DNAH10: variants seen among roughly 807,000 people sequenced by gnomAD.
The protein encoded by DNAH10 is dynein axonemal heavy chain 10, also known as axonemal beta dynein heavy chain 10.
In DNAH10, 348 loss-of-function variants were observed where a neutral mutation model predicts 506.6. That is an observed-to-expected ratio of 0.69 (90% CI 0.63 to 0.75). The LOEUF (loss-of-function observed/expected upper bound fraction) is 0.75. Among genes scored for constraint, DNAH10 ranks in the 30% least tolerant of loss-of-function variants. The probability of loss-of-function intolerance (pLI) is 0.00; values close to 1 mark genes in which losing one functional copy is unlikely to be tolerated. For synonymous variants in DNAH10, 2,059 were observed against 2,198.6 expected (o/e 0.94, Z 1.78); for missense variants, 5,179 against 5,787.1 (o/e 0.89, Z 3.41).
rs377117291 is a variant in DNAH10, at chr12:123,820,650, C to A, written c.4071C>A (p.Asn1357Lys). The A allele has an allele frequency of 1.2e-6, 2 of 1,613,968 alleles. No individual in the cohort carries two copies. Among genetic ancestry groups the A allele is most frequent in the East Asian group, 2.2e-5 (1 of 44,886 alleles). ...RHEKSRQELA[N>K]AEKLFDLPIT... ...AAAAGAGCCGTCAGGAACTGGCTAA[C>A]GCTGAGAAACTTTTCGATCTTCCTA... The change falls in exon 24 of 79, where the codon AAC becomes AAA. Residue 1357 changes from asparagine (N) to lysine (K), a missense_variant. Around this residue, in one of 3 missense-constraint regions of DNAH10, gnomAD observed 4,844 missense variants for 5,430.5 expected, o/e 0.89. Transcript: ENST00000673944.
intron 5 of DNAH10, among the ~76,000 whole-genome samples, chr12:123,780,419 G>C (rs1271311317): frequency 6.6e-6 from 1 of 151,652 alleles, no homozygotes; most frequent in Non-Finnish European, 1.5e-5. Context: ...ACCAGCCTCG[G>C]CCTCCCAAAG....
At chr12:123,767,549 T>A (rs1957093015) in intron 1 of DNAH10, 57 bp from the exon 2 acceptor site, 1 of 1,520,416 alleles carries the variant, frequency 6.6e-7, no homozygotes. Flanking sequence ...ATATCAGGTG[T>A]TTCATGCAGT....
At chr12:123,844,686 C>T (rs1040728375) in intron 30 of DNAH10, among the ~76,000 whole-genome samples, 5 of 151,948 alleles carry the variant, frequency 3.3e-5, no homozygotes, top group South Asian at 4.2e-4. Context: ...TTGCCCTGGC[C>T]GGAGTACAGT....
In DNAH10 at chr12:123,781,308, T is replaced by C. The variant is rs1296024198; in HGVS notation, c.841+9T>C. The C allele has an allele frequency of 6.2e-7, 1 of 1,605,180 alleles. No individual in the cohort carries two copies. Among genetic ancestry groups the C allele is most frequent in the Non-Finnish European group, 8.5e-7 (1 of 1,174,216 alleles). On this transcript the variant is annotated intron_variant, in intron 6 of 78. Transcript: ENST00000673944. ...CATGCAGCAACTTGAAGGTAAGGTT[T>C]CATTTTCCTCCTTTTTAGTTAAGAA...
At chr12:123,774,372 A>G (rs1957363086) in intron 5 of DNAH10, 108 bp downstream of exon 5, 1 of 835,494 alleles carries the variant, frequency 1.2e-6, no homozygotes, top group Non-Finnish European at 1.8e-6. Context: ...AGGTGCTGTT[A>G]TGGGCACTGA....
intron 70 of DNAH10, 59 bp from the exon 71 acceptor site, chr12:123,929,216 C>A: frequency 1.3e-6 from 2 of 1,518,784 alleles, no homozygotes; most frequent in Middle Eastern, 3.4e-4. Context: ...ATTGTGCACA[C>A]TCTTCCAAGC....
intron 51 of DNAH10, among the ~76,000 whole-genome samples, chr12:123,886,310 A>C (rs749777467): frequency 2.4e-4 from 36 of 151,946 alleles, no homozygotes; most frequent in Non-Finnish European, 4.3e-4. Context: ...GGAAGTGGCG[A>C]GGGTTGGGTA....
intron 12 of DNAH10, among the ~76,000 whole-genome samples, chr12:123,795,046 G>T (rs1958224336): frequency 6.6e-6 from 1 of 150,400 alleles, no homozygotes. Flanking sequence ...TACTCAGGAG[G>T]CTGAGGCAGG....
chr12:123,846,264 C>T lies in DNAH10; in HGVS notation c.5814+110C>T. 2 of 1,322,764 alleles carry T rather than the reference C, an allele frequency of 1.5e-6. No homozygotes were observed. The highest frequency in any genetic ancestry group is 2.8e-5 in the Admixed American group (1 of 35,610). 81.9% of individuals were successfully genotyped at this position (1,322,764 alleles called of 1,614,324 possible). ...ATTGAAATAGCAGGGGAGATCATTG[C>T]TTTGAAATCTCGAAAAGCTTTTCCA... is the stretch of plus-strand genomic sequence containing the variant. On this transcript the variant is annotated intron_variant, in intron 32 of 78. Coordinates refer to ENST00000673944, the MANE Select transcript of DNAH10 (RefSeq NM_001372106.1). This position sits in a 1 kb window ranked among gnomAD's most constrained non-coding sequence, Gnocchi z 4.5.
intron 13 of DNAH10, among the ~76,000 whole-genome samples, chr12:123,798,481 G>A (rs530048441): frequency 9.5e-4 from 145 of 152,260 alleles, no homozygotes; most frequent in African/African-American, 3.2e-3. Context: ...CCCAAGAGAG[G>A]TGGTGCAAAC....
At chr12:123,883,752 T>C (rs1348774438) in intron 51 of DNAH10, among the ~76,000 whole-genome samples, 1 of 152,234 alleles carries the variant, frequency 6.6e-6, no homozygotes, top group African/African-American at 2.4e-5. Context: ...TCTGCATTGC[T>C]TGAATTGTTG....
Position 123,907,874 on chromosome 12 carries a change from C to T in DNAH10, c.9816-1387C>T, listed in dbSNP as rs1176534550. Among the ~76,000 whole-genome samples, 1 of 152,186 alleles carries T rather than the reference C, an allele frequency of 6.6e-6. No individual in the cohort carries two copies. Among genetic ancestry groups the T allele is most frequent in the Admixed American group, 6.5e-5 (1 of 15,282 alleles). Reference sequence around the variant, plus strand: ...CGAGCCTTTTCCCGGGGACTCAGGGCCTTTCTTTCATCACTGGGCTTTGTG... The same window carrying T: ...CGAGCCTTTTCCCGGGGACTCAGGGTCTTTCTTTCATCACTGGGCTTTGTG... On this transcript the variant is annotated intron_variant, in intron 57 of 78. Transcript: ENST00000673944. The surrounding 1 kb of genome is among the most constrained non-coding windows in gnomAD (Gnocchi z 4.4).
chr12:123,831,283 A>G (rs942186269), intron 26 of DNAH10, among the ~76,000 whole-genome samples: 1 of 152,232 alleles, frequency 6.6e-6, no homozygotes, highest in Non-Finnish European at 1.5e-5. Context: ...GCATACACAC[A>G]TACTACTCAT....
intron 26 of DNAH10, 67 bp from the exon 27 acceptor site, chr12:123,833,046 GT>G: frequency 5.6e-6 from 7 of 1,247,480 alleles, no homozygotes; most frequent in East Asian, 2.6e-5. Context: ...TAAGGAAGGT[GT>G]TTTTGGGTTG....
chr12:123,896,148 C>CATAGAG lies in DNAH10; in HGVS notation c.9280+1426_9280+1427insTAGAGA, dbSNP rs1383690518. Among the ~76,000 whole-genome samples the CATAGAG allele has an allele frequency of 3.9e-3, 372 of 95,320 alleles. 2 individuals are homozygous for CATAGAG. The highest frequency in any genetic ancestry group is 5.5e-3 in the Non-Finnish European group (284 of 51,312). 62.5% of individuals were successfully genotyped at this position (95,320 alleles called of 152,430 possible). A position where few individuals can be genotyped will look rare whatever the true frequency, so the allele number is the denominator to read the frequency against. On this transcript the variant is annotated intron_variant, in intron 54 of 78. Coordinates refer to ENST00000673944, the MANE Select transcript of DNAH10 (RefSeq NM_001372106.1). The stretch of plus-strand genomic sequence containing the variant: ...ACACACACACACACACACACACACA[C>CATAGAG]AGAGAGAGAGAGAGAGAGAGAGAGA...
chr12:123,823,185 G>C (rs1212012114), intron 24 of DNAH10, among the ~76,000 whole-genome samples: 1 of 152,220 alleles, frequency 6.6e-6, no homozygotes, highest in Non-Finnish European at 1.5e-5. Context: ...AGGCTTTCCA[G>C]GCAGAGCGCT....
intron 28 of DNAH10, among the ~76,000 whole-genome samples, chr12:123,837,822 C>T (rs1961338331): frequency 6.6e-6 from 1 of 150,508 alleles, no homozygotes; most frequent in Non-Finnish European, 1.5e-5. Flanking sequence ...TCTCAAACTC[C>T]TGGTCTCAAA....
At chr12:123,887,945 C>T (rs1014714184) in intron 52 of DNAH10, among the ~76,000 whole-genome samples, 12 of 152,080 alleles carry the variant, frequency 7.9e-5, no homozygotes, top group African/African-American at 1.7e-4. Context: ...GGGGTTTCAC[C>T]GTGTTAGCCA....
rs1488184026 is a variant in DNAH10, at chr12:123,783,944, C to T, written c.1000-3C>T. ...TTCTTTGTGTGTTCATTTCACCTCTCAGGGTAAAGGCCCTCTGGCTGAAAT... is the reference window on the plus strand; with the variant it reads ...TTCTTTGTGTGTTCATTTCACCTCTTAGGGTAAAGGCCCTCTGGCTGAAAT... On this transcript the variant is annotated splice_polypyrimidine_tract_variant and splice_region_variant and intron_variant, in intron 7 of 78. Coordinates refer to ENST00000673944, the MANE Select transcript of DNAH10 (RefSeq NM_001372106.1). The T allele has an allele frequency of 6.2e-7, 1 of 1,613,586 alleles. No individual in the cohort carries two copies. Among genetic ancestry groups the T allele is most frequent in the South Asian group, 1.1e-5 (1 of 91,072 alleles).
Sources: gnomAD v4.1 joint callset for allele counts (sites outside exome capture counted in the v4.1 genomes callset) on GRCh38, gnomAD v4.1.1 for gene constraint, gnomAD v4.1.1 regional missense constraint, Gnocchi (gnomAD v3.1) non-coding constraint, MANE v1.5 for transcripts, NCBI Gene and HGNC (gene_info 2026-07-23, HGNC 2026-07-21) for gene names.